RGS6: variants seen among roughly 807,000 people sequenced by gnomAD.
RGS6 encodes regulator of G-protein signaling 6.
Under a neutral mutation model 78.5 loss-of-function variants are expected in RGS6, and 30 were observed. The observed-to-expected ratio is 0.38, with a 90% CI of 0.29 to 0.52. The LOEUF is 0.52. Ranked by LOEUF, RGS6 falls within the 20% of genes least tolerant of loss-of-function variation. RGS6 has a pLI of 0.85. For synonymous variants in RGS6, 206 were observed against 206.0 expected (o/e 1.00, Z 0.00); for missense variants, 495 against 609.7 (o/e 0.81, Z 1.98).
Position 72,280,599 on chromosome 14 carries a change from G to A in RGS6, c.85-71496G>A, listed in dbSNP as rs7142945. On this transcript the variant is annotated intron_variant, in intron 2 of 17. Coordinates refer to ENST00000553525, the MANE Select transcript of RGS6 (RefSeq NM_001204424.2). ...TGCTAGGCACTATTCCCGGCACTAG[G>A]GACACAGAAATGAAGAGAGAAACAA... is the stretch of plus-strand genomic sequence containing the variant. Among the ~76,000 whole-genome samples the A allele has an allele frequency of 2.8e-3, 423 of 152,270 alleles. 1 individual carries two copies. The highest frequency in any genetic ancestry group is 1.0e-2 in the African/African-American group (414 of 41,562).
chr14:72,088,203 A>T (rs796386368), intron 2 of RGS6, among the ~76,000 whole-genome samples: 5 of 152,322 alleles, frequency 3.3e-5, no homozygotes, highest in African/African-American at 9.6e-5. Context: ...ATTAAATGGC[A>T]CGCTTTGCTC....
chr14:72,629,575 C>T, the RGS6 span: 3 of 1,495,300 alleles, frequency 2.0e-6, no homozygotes, highest in Non-Finnish European at 1.8e-6. Context: ...CCTCAAAGGA[C>T]CCCAGCTCTG....
chr14:72,241,155 C>CAAAA (rs55988416), intron 2 of RGS6, among the ~76,000 whole-genome samples: 3 of 102,120 alleles, frequency 2.9e-5, no homozygotes, highest in Non-Finnish European at 4.0e-5. Flanking sequence ...GACTCTGTCT[C>CAAAA]AAAAAAAAAA....
chr14:72,443,781 C>T (rs910707061), intron 3 of RGS6, among the ~76,000 whole-genome samples: 1 of 152,184 alleles, frequency 6.6e-6, no homozygotes, highest in Non-Finnish European at 1.5e-5. Flanking sequence ...GTGGGTGCTA[C>T]TGGGCACCTG....
chr14:71,974,329 A>AT (rs1415454604), intron 2 of RGS6, among the ~76,000 whole-genome samples: 1 of 152,198 alleles, frequency 6.6e-6, no homozygotes. Context: ...AAATGGACAC[A>AT]TTTTTTTGAT....
In RGS6 at chr14:72,376,414, G is replaced by A. The variant is rs867078044; in HGVS notation, c.184+24220G>A. On this transcript the variant is annotated intron_variant, in intron 3 of 17. Transcript: ENST00000553525. ...GTGGACATTCTGGAAGAAGAGAAGG[G>A]AAAAGGTGCAGAAAACATATTTAAT... Among the ~76,000 whole-genome samples the A allele has an allele frequency of 2.2e-4, 33 of 152,284 alleles. No homozygotes were observed. In the Middle Eastern group the frequency reaches 0.01, roughly 47 times the overall value.
At chr14:72,613,022 GTGTGTGTGTA>G in the RGS6 span, among the ~76,000 whole-genome samples, 1 of 151,680 alleles carries the variant, frequency 6.6e-6, no homozygotes, top group Non-Finnish European at 1.5e-5. Flanking sequence ...GTGTGTGTGT[GTGTGTGTGTA>G]TGTGCGTGCG....
At chr14:71,999,789 G>A (rs183297537) in intron 2 of RGS6, among the ~76,000 whole-genome samples, 75 of 101,598 alleles carry the variant, frequency 7.4e-4, no homozygotes, top group Non-Finnish European at 1.4e-3. Context: ...TAAGCTTCCT[G>A]AGGCCTCCCC....
rs1022779772 is a variant in RGS6 at position 72,455,870 on chromosome 14, C to T, written c.235+1292C>T. On this transcript the variant is annotated intron_variant, in intron 4 of 17. Coordinates refer to ENST00000553525, the MANE Select transcript of RGS6 (RefSeq NM_001204424.2). ...GTGATTATAATGCTAAACTAAGGAA[C>T]GTGTTTCCTCATGGCCACCTTTTCT... Among the ~76,000 whole-genome samples, 24 of 152,172 alleles carry T rather than the reference C, an allele frequency of 1.6e-4. 1 individual carries two copies. Among genetic ancestry groups the T allele is most frequent in the Non-Finnish European group, 1.6e-4 (11 of 68,038 alleles).
the RGS6 span, among the ~76,000 whole-genome samples, chr14:71,881,808 A>G: frequency 2.6e-5 from 4 of 152,078 alleles, no homozygotes; most frequent in African/African-American, 7.2e-5. Context: ...CCCCAAACTA[A>G]AGGTGTATCT....
chr14:71,952,597 C>A (rs1402541754), intron 1 of RGS6, among the ~76,000 whole-genome samples: 1 of 151,370 alleles, frequency 6.6e-6, no homozygotes, highest in Non-Finnish European at 1.5e-5. Context: ...ACTGTAAAAC[C>A]CCCGAGAACC....
chr14:71,921,090 G>C, the RGS6 span, among the ~76,000 whole-genome samples: 2 of 152,088 alleles, frequency 1.3e-5, no homozygotes, highest in Admixed American at 1.3e-4. Flanking sequence ...TAGCCAACTG[G>C]TATATGAAAA....
chr14:72,307,647 T>C (rs542666366), intron 2 of RGS6, among the ~76,000 whole-genome samples: 4 of 152,154 alleles, frequency 2.6e-5, no homozygotes, highest in Non-Finnish European at 5.9e-5. Context: ...AATTATTATA[T>C]ATTTAAAATG....
At chr14:72,050,679 T>C (rs1044340871) in intron 2 of RGS6, among the ~76,000 whole-genome samples, 1 of 152,228 alleles carries the variant, frequency 6.6e-6, no homozygotes. Context: ...AGGGAATCAA[T>C]ATACCGTTGA....
At chr14:72,552,397 T>G (rs1210342879) in intron 17 of RGS6, among the ~76,000 whole-genome samples, 1 of 151,798 alleles carries the variant, frequency 6.6e-6, no homozygotes, top group Non-Finnish European at 1.5e-5. Context: ...TGCTGGGAGG[T>G]GGGGAGGGCC....
intron 3 of RGS6, among the ~76,000 whole-genome samples, chr14:72,375,877 C>A (rs1321847463): frequency 6.6e-6 from 1 of 152,150 alleles, no homozygotes; most frequent in African/African-American, 2.4e-5. Flanking sequence ...AAATCTTTTC[C>A]TATTAAACCT....
At chr14:72,331,248 C>CAAA (rs55899915) in intron 2 of RGS6, among the ~76,000 whole-genome samples, 16 of 128,646 alleles carry the variant, frequency 1.2e-4, no homozygotes, top group African/African-American at 4.0e-4. Context: ...CCCTGTCGTT[C>CAAA]AAAAAAAAAA....
At chr14:72,310,748 T>TC (rs1165884335) in intron 2 of RGS6, among the ~76,000 whole-genome samples, 3 of 152,130 alleles carry the variant, frequency 2.0e-5, no homozygotes, top group Non-Finnish European at 4.4e-5. Context: ...TGGAGCTCCT[T>TC]CCACCACCAG....
At chr14:72,111,843 T>C (rs2095770907) in intron 2 of RGS6, among the ~76,000 whole-genome samples, 1 of 152,186 alleles carries the variant, frequency 6.6e-6, no homozygotes, top group African/African-American at 2.4e-5. Context: ...GATTGTGTGC[T>C]CATTAAGGTG....
Sources: gnomAD v4.1 joint callset for allele counts (sites outside exome capture counted in the v4.1 genomes callset) on GRCh38, gnomAD v4.1.1 for gene constraint, MANE v1.5 for transcripts, NCBI Gene and HGNC (gene_info 2026-07-23, HGNC 2026-07-21) for gene names.